Variants in RALGAPA1 observed in about 807,000 individuals in gnomAD.
The protein encoded by RALGAPA1 is Ral GTPase activating protein catalytic subunit alpha 1, also known as ral GTPase-activating protein subunit alpha-1.
In RALGAPA1, 52 loss-of-function variants were observed where a neutral mutation model predicts 269.6. That is an observed-to-expected ratio of 0.19 (90% confidence interval 0.15 to 0.24). RALGAPA1 has a LOEUF of 0.24. Among genes scored for constraint, RALGAPA1 ranks in the 10% least tolerant of loss-of-function variants. RALGAPA1 has a pLI of 1.00. For synonymous variants in RALGAPA1, 817 were observed against 1,008.3 expected, an observed-to-expected ratio of 0.81 and a Z score of 3.60; for missense variants, 1,917 against 3,013.9, an observed-to-expected ratio of 0.64 and a Z score of 8.52.
chr14:35,662,894 T>C (rs559177572), intron 27 of RALGAPA1, among the ~76,000 whole-genome samples: 2 of 148,920 alleles, frequency 1.3e-5, no homozygotes, highest in African/African-American at 5.0e-5. Flanking sequence ...ATTGATTTTA[T>C]ATGTAAGTCA....
intron 24 of RALGAPA1, among the ~76,000 whole-genome samples, chr14:35,673,373 T>A (rs28475108): frequency 0.12 from 17,594 of 152,002 alleles, 1,110 homozygotes; most frequent in South Asian, 0.14. Flanking sequence ...CTGGGCAACA[T>A]AGAGAAACTC....
chr14:35,579,042 G>T (rs2057770105), intron 37 of RALGAPA1, among the ~76,000 whole-genome samples: 1 of 152,188 alleles, frequency 6.6e-6, no homozygotes, highest in African/African-American at 2.4e-5. Context: ...GTAGAAAGGG[G>T]CTTATTTAGC....
chr14:35,808,981 C>T lies in RALGAPA1; in HGVS notation c.-146G>A, dbSNP rs1481630373. ...CTTGCGGGCCAGGGCAGAGCCGACT[C>T]CTTCCCGATCCAGGCCAGGGCCGCC... On this transcript the variant is annotated 5_prime_UTR_variant, in exon 1 of 42. Transcript: ENST00000680220. The T allele has an allele frequency of 1.4e-6, 2 of 1,421,408 alleles. No homozygotes were observed. Among genetic ancestry groups the T allele is most frequent in the South Asian group, 1.5e-5 (1 of 67,798 alleles). 88.0% of individuals were successfully genotyped at this position (1,421,408 alleles called of 1,614,324 possible).
chr14:35,748,106 T>C lies in RALGAPA1; in HGVS notation c.1251+479A>G, dbSNP rs535758515. ...ATGATAGAAGAGTTTCAATCTATAATGAGTAATTTAAAAAATTATTCTAGT... is the reference window on the plus strand; with the variant it reads ...ATGATAGAAGAGTTTCAATCTATAACGAGTAATTTAAAAAATTATTCTAGT... On this transcript the variant is annotated intron_variant, in intron 10 of 41. Coordinates refer to ENST00000680220, the MANE Select transcript of RALGAPA1 (RefSeq NM_001346249.2). Among the ~76,000 whole-genome samples the C allele has an allele frequency of 3.4e-4, 51 of 152,038 alleles. No individual in the cohort carries two copies. The East Asian group carries it at 9.5e-3, about 28-fold the overall frequency.
At chr14:35,634,407 A>T (rs1315689652) in intron 33 of RALGAPA1, among the ~76,000 whole-genome samples, 167 bp downstream of exon 33, 2 of 152,250 alleles carry the variant, frequency 1.3e-5, no homozygotes, top group Non-Finnish European at 2.9e-5. Context: ...GTAATTGTGC[A>T]TGTGAAGTTA....
intron 37 of RALGAPA1, among the ~76,000 whole-genome samples, chr14:35,587,877 T>C (rs897653529): frequency 6.6e-6 from 1 of 152,136 alleles, no homozygotes; most frequent in African/African-American, 2.4e-5. Context: ...TTTAAAAAAA[T>C]TAAAAAATAA....
At chr14:35,649,002 CTACTA>C (rs2062644119) in intron 31 of RALGAPA1, among the ~76,000 whole-genome samples, 3 of 152,234 alleles carry the variant, frequency 2.0e-5, no homozygotes, top group South Asian at 4.1e-4. Context: ...TCATCTTACT[CTACTA>C]TATCGCCTTA....
intron 16 of RALGAPA1, chr14:35,707,023 A>G (rs1048035410): frequency 6.6e-5 from 10 of 152,260 alleles, no homozygotes; most frequent in Middle Eastern, 3.4e-3. Context: ...TTCTTTCATC[A>G]AAGTTTCATA....
intron 1 of RALGAPA1, among the ~76,000 whole-genome samples, chr14:35,786,696 GTTCTT>G (rs1214833206): frequency 2.0e-5 from 3 of 152,034 alleles, no homozygotes; most frequent in Non-Finnish European, 4.4e-5. Flanking sequence ...ACAAACACTA[GTTCTT>G]TTCTATTTAC....
At chr14:35,684,792 ATT>A in intron 20 of RALGAPA1, 135 bp downstream of exon 20, 9 of 696,094 alleles carry the variant, frequency 1.3e-5, no homozygotes, top group Non-Finnish European at 1.5e-5. Context: ...CAAATATCTA[ATT>A]TTTTTTTTTC....
intron 31 of RALGAPA1, among the ~76,000 whole-genome samples, chr14:35,640,554 C>T (rs2061961542): frequency 6.6e-6 from 1 of 152,204 alleles, no homozygotes. Context: ...AAATGCAAAA[C>T]CTGAACAGAC....
Position 35,627,196 on chromosome 14 carries a change from T to C in RALGAPA1, c.6751A>G (p.Met2251Val). Reference protein sequence around the residue: ...FVEKHFNDLNMKAVEQDEPIP... With the variant: ...FVEKHFNDLNVKAVEQDEPIP... ...GGTTCATCTTGTTCCACAGCTTTCA[T>C]GTTTAAGTCATTAAAGTGCTTCTCA... The change falls in exon 34 of 42, where the codon ATG becomes GTG. Residue 2251 changes from methionine (M) to valine (V), a missense_variant. Physicochemically the swap from Met to Val is conservative, Grantham distance 21 (BLOSUM62 1). Around this residue, in one of 11 missense-constraint regions of RALGAPA1, gnomAD observed 132 missense variants for 271.2 expected, o/e 0.49. Coordinates refer to ENST00000680220, the MANE Select transcript of RALGAPA1 (RefSeq NM_001346249.2). 1.9e-6 allele frequency: 3 copies of C among 1,597,982 alleles called. No individual in the cohort carries two copies. The highest frequency in any genetic ancestry group is 2.6e-6 in the Non-Finnish European group (3 of 1,175,842).
chr14:35,578,721 T>A (rs1026006915), intron 37 of RALGAPA1, among the ~76,000 whole-genome samples: 16 of 152,374 alleles, frequency 1.1e-4, no homozygotes, highest in Admixed American at 5.9e-4. Context: ...AAAATAGAAT[T>A]ATCTGCAGTT....
chr14:35,598,447 C>T (rs1285029973), intron 36 of RALGAPA1, among the ~76,000 whole-genome samples: 1 of 150,444 alleles, frequency 6.6e-6, no homozygotes, highest in Non-Finnish European at 1.5e-5. Flanking sequence ...GAGATGGAGT[C>T]TCGCTCTTGT....
chr14:35,698,478 G>GT lies in RALGAPA1; in HGVS notation c.2407+1683dup, dbSNP rs892130809. Reference sequence around the variant, plus strand: ...GAGAAAAAAATAAATCTTTCTGACAGTTTTTTTAAAACAGTAGAGGAATGG... The same window carrying GT: ...GAGAAAAAAATAAATCTTTCTGACAGTTTTTTTTAAAACAGTAGAGGAATGG... On this transcript the variant is annotated intron_variant, in intron 17 of 41. Coordinates refer to ENST00000680220, the MANE Select transcript of RALGAPA1 (RefSeq NM_001346249.2). Among the ~76,000 whole-genome samples the GT allele has an allele frequency of 5.3e-5, 8 of 152,032 alleles. No individual in the cohort carries two copies. The East Asian group carries it at 7.7e-4, about 15-fold the overall frequency.
chr14:35,793,595 A>AACACACACAC (rs33911524), intron 1 of RALGAPA1, among the ~76,000 whole-genome samples: 124 of 150,218 alleles, frequency 8.3e-4, no homozygotes, highest in African/African-American at 2.9e-3. Flanking sequence ...TACACACACA[A>AACACACACAC]ACACACACAC....
chr14:35,771,410 A>AAAAC lies in RALGAPA1; in HGVS notation c.268-415_268-412dup, dbSNP rs534325944. On this transcript the variant is annotated intron_variant, in intron 3 of 41. Coordinates refer to ENST00000680220, the MANE Select transcript of RALGAPA1 (RefSeq NM_001346249.2). ...ACTCCGTCTCGAAACAAAACAAAAC[A>AAAAC]AAACAAACAAACAAACAAAAAACTA... 1.7e-3 allele frequency among the ~76,000 whole-genome samples: 266 copies of AAAAC among 152,230 alleles called. 1 individual carries two copies. In the Middle Eastern group the frequency reaches 0.02, roughly 12 times the overall value.
chr14:35,613,434 T>C (rs1354429919), intron 35 of RALGAPA1, among the ~76,000 whole-genome samples: 2 of 151,608 alleles, frequency 1.3e-5, no homozygotes, highest in Non-Finnish European at 2.9e-5. Context: ...TTTCCTAGGG[T>C]TTCTGTAACA....
chr14:35,573,430 C>T (rs904854673), intron 37 of RALGAPA1, among the ~76,000 whole-genome samples: 2 of 152,060 alleles, frequency 1.3e-5, no homozygotes, highest in Admixed American at 1.3e-4. Context: ...CCACTGTGAG[C>T]ATTTGAGTTG....
Sources: gnomAD v4.1 joint callset for allele counts (sites outside exome capture counted in the v4.1 genomes callset) on GRCh38, gnomAD v4.1.1 for gene constraint, gnomAD v4.1.1 regional missense constraint, MANE v1.5 for transcripts, NCBI Gene and HGNC (gene_info 2026-07-23, HGNC 2026-07-21) for gene names.